Variants in SPATA16 observed in about 807,000 individuals in gnomAD.
The protein encoded by SPATA16 is spermatogenesis associated 16.
Under a neutral mutation model 63.3 loss-of-function variants are expected in SPATA16, and 36 were observed. The ratio of observed to expected loss-of-function variants is 0.57; its 90% CI spans 0.44 to 0.75. The LOEUF (loss-of-function observed/expected upper bound fraction) is 0.75, where lower values mean the gene tolerates loss of function less well. Among genes scored for constraint, SPATA16 ranks in the 30% least tolerant of loss-of-function variants. SPATA16 has a pLI of 0.00. For synonymous variants in SPATA16, 203 were observed against 216.7 expected, an observed-to-expected ratio of 0.94 and a Z score of 0.56; for missense variants, 646 against 679.3, an observed-to-expected ratio of 0.95 and a Z score of 0.54.
intron 1 of SPATA16, among the ~76,000 whole-genome samples, chr3:173,136,422 A>G (rs1162526778): frequency 6.6e-6 from 1 of 152,196 alleles, no homozygotes; most frequent in Non-Finnish European, 1.5e-5. Flanking sequence ...ATGTTTTGAC[A>G]TAGGGATGCA....
intron 1 of SPATA16, among the ~76,000 whole-genome samples, chr3:173,137,308 T>G (rs1043809699): frequency 2.0e-5 from 3 of 152,308 alleles, no homozygotes. Context: ...AGGAATATTG[T>G]GGATGTGAAA....
At chr3:172,944,695 G>A (rs533542221) in intron 6 of SPATA16, among the ~76,000 whole-genome samples, 1 of 152,284 alleles carries the variant, frequency 6.6e-6, no homozygotes, top group Non-Finnish European at 1.5e-5. Context: ...CTACAATATG[G>A]ATGAACTTTG....
chr3:172,912,359 G>C (rs1160083267), intron 10 of SPATA16, among the ~76,000 whole-genome samples: 1 of 152,288 alleles, frequency 6.6e-6, no homozygotes, highest in East Asian at 1.9e-4. Flanking sequence ...AGCTGTGCCT[G>C]TCTTGCTGAG....
chr3:172,961,081 C>T (rs201085418), intron 5 of SPATA16, among the ~76,000 whole-genome samples: 17,679 of 103,828 alleles, frequency 0.17, 2,137 homozygotes, highest in South Asian at 0.23. Flanking sequence ...TTCCTTCCTT[C>T]CTTCCTTCCT....
chr3:173,013,991 CTCTT>C (rs917859810), intron 4 of SPATA16, among the ~76,000 whole-genome samples: 12 of 152,172 alleles, frequency 7.9e-5, no homozygotes, highest in Admixed American at 6.5e-4. Context: ...AAGTTTATTT[CTCTT>C]TCTTTTTAAT....
intron 3 of SPATA16, among the ~76,000 whole-genome samples, chr3:173,033,018 T>C (rs1252617530): frequency 1.3e-5 from 2 of 152,176 alleles, no homozygotes; most frequent in African/African-American, 4.8e-5. Context: ...CTCCACCAAC[T>C]TTTGTGCCTG....
At chr3:173,011,846 G>C (rs1735080676) in intron 4 of SPATA16, among the ~76,000 whole-genome samples, 1 of 152,072 alleles carries the variant, frequency 6.6e-6, no homozygotes, top group African/African-American at 2.4e-5. Flanking sequence ...AGGAGACAGA[G>C]TCTGAACTCT....
At chr3:172,979,013 G>A (rs552073424) in intron 4 of SPATA16, among the ~76,000 whole-genome samples, 5 of 152,248 alleles carry the variant, frequency 3.3e-5, no homozygotes, top group African/African-American at 9.6e-5. Flanking sequence ...CGAGGTCGGC[G>A]GATCATGAGG....
At chr3:173,042,370 G>A (rs1388697484) in intron 3 of SPATA16, among the ~76,000 whole-genome samples, 2 of 152,008 alleles carry the variant, frequency 1.3e-5, no homozygotes, top group Non-Finnish European at 2.9e-5. Flanking sequence ...TGTTACAGGT[G>A]TGTGCCACCA....
At chr3:172,971,375 C>T (rs1005603797) in intron 5 of SPATA16, among the ~76,000 whole-genome samples, 2 of 152,202 alleles carry the variant, frequency 1.3e-5, no homozygotes, top group Non-Finnish European at 2.9e-5. Context: ...TGTTATTGGT[C>T]TGAGCTTCAT....
Position 172,956,693 on chromosome 3 carries a change from T to G in SPATA16, c.1065A>C (p.Ala355=), listed in dbSNP as rs1733603426. The change falls in exon 6 of 11, where the codon GCA becomes GCC. Residue 355 remains alanine, a synonymous_variant. Transcript: ENST00000351008. ...GAATCTTACCTGTGTACATATACTC[T>G]GCATATGCAGGATGAGTTTTTGTGA... is the stretch of plus-strand genomic sequence containing the variant. ...DAFTKTHPAY[A]EYMYTDLQAL... 1 of 1,611,982 alleles carries G rather than the reference T, an allele frequency of 6.2e-7. No individual in the cohort carries two copies. The highest frequency in any genetic ancestry group is 1.7e-5 in the Admixed American group (1 of 59,918).
chr3:173,049,484 C>A (rs1391018681), intron 2 of SPATA16, among the ~76,000 whole-genome samples: 2 of 152,110 alleles, frequency 1.3e-5, no homozygotes, highest in East Asian at 1.9e-4. Context: ...AGGCATAAAT[C>A]ATATTAAATA....
chr3:172,984,300 G>T (rs1734391559), intron 4 of SPATA16, among the ~76,000 whole-genome samples: 1 of 152,124 alleles, frequency 6.6e-6, no homozygotes, highest in Admixed American at 6.5e-5. Flanking sequence ...TACCATTACA[G>T]TGCCTCCTAC....
At chr3:173,038,071 G>A (rs506433) in intron 3 of SPATA16, among the ~76,000 whole-genome samples, 43,112 of 151,850 alleles carry the variant, frequency 0.28, 8,642 homozygotes, top group African/African-American at 0.57. Flanking sequence ...CTAGAGTGAG[G>A]GTGAGTCATG....
At chr3:172,919,402 A>G (rs928275930) in intron 8 of SPATA16, among the ~76,000 whole-genome samples, 1 of 152,202 alleles carries the variant, frequency 6.6e-6, no homozygotes, top group Admixed American at 6.5e-5. Flanking sequence ...ATCATATTGT[A>G]GATTATAACT....
chr3:172,908,172 A>G (rs1232117269), intron 10 of SPATA16, among the ~76,000 whole-genome samples: 1 of 152,186 alleles, frequency 6.6e-6, no homozygotes, highest in African/African-American at 2.4e-5. Context: ...TAAATGAGCA[A>G]TGTGTCAACA....
At chr3:173,115,279 A>G (rs1019081604) in intron 2 of SPATA16, among the ~76,000 whole-genome samples, 2 of 152,252 alleles carry the variant, frequency 1.3e-5, no homozygotes, top group Admixed American at 1.3e-4. Flanking sequence ...AAGCTTTTAC[A>G]GTAGCTAAGA....
At chr3:172,962,315 T>C (rs1169679440) in intron 5 of SPATA16, among the ~76,000 whole-genome samples, 6 of 146,280 alleles carry the variant, frequency 4.1e-5, no homozygotes, top group African/African-American at 1.5e-4. Flanking sequence ...CACTACATAG[T>C]GGAAGCATTG....
intron 6 of SPATA16, among the ~76,000 whole-genome samples, chr3:172,954,388 C>T (rs1306894776): frequency 1.3e-5 from 2 of 152,148 alleles, no homozygotes; most frequent in African/African-American, 2.4e-5. Context: ...CTCCACCTGG[C>T]CATGCCCTTG....
Sources: allele counts gnomAD v4.1 joint callset (sites outside exome capture counted in the v4.1 genomes callset), GRCh38; gene constraint gnomAD v4.1.1; transcripts MANE v1.5; gene names NCBI Gene and HGNC (gene_info 2026-07-23, HGNC 2026-07-21).